The following SMOC2 variants were observed in gnomAD, a reference collection of about 807,000 sequenced individuals.
SMOC2 encodes the protein SPARC-related modular calcium-binding protein 2.
Under a neutral mutation model 61.4 loss-of-function variants are expected in SMOC2, and 39 were observed. The ratio of observed to expected loss-of-function variants is 0.64; its 90% CI spans 0.49 to 0.83. The LOEUF is 0.83. Among genes scored for constraint, SMOC2 ranks in the 40% least tolerant of loss-of-function variants. The pLI is 0.00. For missense variants in SMOC2, 556 were observed against 592.9 expected (o/e 0.94, Z 0.65); for synonymous variants, 247 against 239.9 (o/e 1.03, Z -0.27).
chr6:168,511,669 C>A (rs1783011508), intron 2 of SMOC2, among the ~76,000 whole-genome samples: 4 of 152,198 alleles, frequency 2.6e-5, no homozygotes, highest in African/African-American at 7.2e-5. Context: ...CCCTCTGGAG[C>A]CTTGGTCTTT....
chr6:168,480,976 C>G (rs1228658337), intron 1 of SMOC2, among the ~76,000 whole-genome samples: 1 of 152,088 alleles, frequency 6.6e-6, no homozygotes, highest in Non-Finnish European at 1.5e-5. Flanking sequence ...AACCCTATCT[C>G]CAGCAAAGCT....
At chr6:168,558,780 C>T (rs569863331) in intron 7 of SMOC2, among the ~76,000 whole-genome samples, 3 of 149,968 alleles carry the variant, frequency 2.0e-5, no homozygotes, top group South Asian at 2.1e-4. Context: ...TGTGCACATG[C>T]GTATGTGTGG....
At chr6:168,575,363 A>G (rs1346939679) in intron 7 of SMOC2, among the ~76,000 whole-genome samples, 3 of 152,114 alleles carry the variant, frequency 2.0e-5, no homozygotes, top group African/African-American at 7.2e-5. Context: ...ATAAGGATAA[A>G]TCTCTTACTC....
At chr6:168,605,742 A>G (rs1320340568) in intron 8 of SMOC2, among the ~76,000 whole-genome samples, 1 of 152,182 alleles carries the variant, frequency 6.6e-6, no homozygotes, top group Admixed American at 6.5e-5. Flanking sequence ...TGTGAAGGAT[A>G]CAGGTACTGA....
At chr6:168,650,107 C>G (rs371788639) in intron 9 of SMOC2, among the ~76,000 whole-genome samples, 1 of 152,164 alleles carries the variant, frequency 6.6e-6, no homozygotes, top group Non-Finnish European at 1.5e-5. Context: ...ATACACAGTC[C>G]GCGCTGGGCT....
intron 11 of SMOC2, among the ~76,000 whole-genome samples, chr6:168,653,491 C>G (rs189906789): frequency 6.6e-6 from 1 of 152,352 alleles, no homozygotes; most frequent in Admixed American, 6.5e-5. Context: ...CTGTTCAGAC[C>G]ACGGTTGGCT....
intron 7 of SMOC2, among the ~76,000 whole-genome samples, chr6:168,565,318 C>T (rs191700038): frequency 6.6e-6 from 1 of 152,292 alleles, no homozygotes; most frequent in Non-Finnish European, 1.5e-5. Flanking sequence ...AGTCCAGGCC[C>T]GAGGTGCTGG....
chr6:168,535,007 G>A lies in SMOC2; in HGVS notation c.463+7280G>A, dbSNP rs1299193796. Reference sequence around the variant, plus strand: ...TATTTTTGAGATGGAGTCTGGCTCTGTCGCCCAGGCTGGAGTGCAGTGGCA... The same window carrying A: ...TATTTTTGAGATGGAGTCTGGCTCTATCGCCCAGGCTGGAGTGCAGTGGCA... On this transcript the variant is annotated intron_variant, in intron 4 of 12. Transcript: ENST00000356284. The surrounding 1 kb of genome is among the most constrained non-coding windows in gnomAD (Gnocchi z 4.6). Among the ~76,000 whole-genome samples the A allele has an allele frequency of 6.6e-6, 1 of 151,964 alleles. No homozygotes were observed. Among genetic ancestry groups the A allele is most frequent in the Non-Finnish European group, 1.5e-5 (1 of 68,026 alleles).
At chr6:168,559,423 C>G (rs1193170417) in intron 7 of SMOC2, among the ~76,000 whole-genome samples, 2 of 151,492 alleles carry the variant, frequency 1.3e-5, no homozygotes, top group South Asian at 2.1e-4. Context: ...CCACTGCACT[C>G]TAGCCTGAGT....
chr6:168,588,631 T>C (rs1360583658), intron 7 of SMOC2, among the ~76,000 whole-genome samples: 1 of 152,218 alleles, frequency 6.6e-6, no homozygotes, highest in Non-Finnish European at 1.5e-5. Context: ...CATTACAGGA[T>C]TGAAGCGGAG....
chr6:168,468,547 T>G (rs1781896522), intron 1 of SMOC2, among the ~76,000 whole-genome samples: 1 of 152,220 alleles, frequency 6.6e-6, no homozygotes, highest in Non-Finnish European at 1.5e-5. Flanking sequence ...AGGTTTTTTG[T>G]TTTTTGAGAC....
At chr6:168,505,606 A>G (rs1335378918) in intron 1 of SMOC2, among the ~76,000 whole-genome samples, 1 of 152,204 alleles carries the variant, frequency 6.6e-6, no homozygotes, top group African/African-American at 2.4e-5. Context: ...TGACTGAATG[A>G]AATGTCCGTC....
intron 8 of SMOC2, 116 bp downstream of exon 8, chr6:168,599,120 TCACA>T (rs920468434): frequency 3.4e-5 from 11 of 326,780 alleles, no homozygotes; most frequent in Non-Finnish European, 5.2e-5. Flanking sequence ...ACACACACAC[TCACA>T]CTCACACACA....
chr6:168,613,173 C>T (rs1785933492), intron 9 of SMOC2, among the ~76,000 whole-genome samples: 1 of 152,204 alleles, frequency 6.6e-6, no homozygotes, highest in Non-Finnish European at 1.5e-5. Context: ...TGATCTCACT[C>T]TCAGGCACTG....
chr6:168,582,569 C>G (rs1317865169), intron 7 of SMOC2, among the ~76,000 whole-genome samples: 1 of 152,308 alleles, frequency 6.6e-6, no homozygotes, highest in African/African-American at 2.4e-5. Flanking sequence ...GGAAACCAGA[C>G]AGCTGGAGGC....
Position 168,653,200 on chromosome 6 carries a change from C to T in SMOC2, c.1257C>T (p.Asp419=), listed in dbSNP as rs151010390. The part of the protein sequence containing the change: ...LMGCLGVAKE[D]GKADTKKRHT... ...GCTGCCTGGGCGTGGCGAAAGAGGACGGCAAAGCGGACACCAAGAAACGCC... is the reference window on the plus strand; with the variant it reads ...GCTGCCTGGGCGTGGCGAAAGAGGATGGCAAAGCGGACACCAAGAAACGCC... The change falls in exon 11 of 13, where the codon GAC becomes GAT. Residue 419 remains aspartate, a synonymous_variant. Transcript: ENST00000356284. The T allele has an allele frequency of 1.1e-5, 18 of 1,613,468 alleles. No homozygotes were observed. Among genetic ancestry groups the T allele is most frequent in the South Asian group, 3.3e-5 (3 of 91,056 alleles).
intron 1 of SMOC2, among the ~76,000 whole-genome samples, chr6:168,505,356 G>A (rs548860874): frequency 6.6e-6 from 1 of 152,200 alleles, no homozygotes; most frequent in Non-Finnish European, 1.5e-5. Flanking sequence ...TCAGATGCCA[G>A]ATGAATGACT....
rs528179132 is a variant in SMOC2, at chr6:168,480,812, A to C, written c.85-29103A>C. On this transcript the variant is annotated intron_variant, in intron 1 of 12. Transcript: ENST00000356284. The stretch of plus-strand genomic sequence containing the variant: ...AATAGACAAAGAGAATTTTGAAAGC[A>C]GAAAGAGAGAAGTAGCTCTCACATA... Among the ~76,000 whole-genome samples, 19 of 152,340 alleles carry C rather than the reference A, an allele frequency of 1.2e-4. 1 individual carries two copies. The highest frequency in any genetic ancestry group is 4.6e-4 in the African/African-American group (19 of 41,582).
intron 5 of SMOC2, among the ~76,000 whole-genome samples, 158 bp downstream of exon 5, chr6:168,543,830 C>T (rs774559036): frequency 2.0e-5 from 3 of 152,220 alleles, no homozygotes; most frequent in Non-Finnish European, 2.9e-5. Flanking sequence ...CATTCACTCA[C>T]GATCACCAGC....
Sources: gnomAD v4.1 joint callset for allele counts (sites outside exome capture counted in the v4.1 genomes callset) on GRCh38, gnomAD v4.1.1 for gene constraint, Gnocchi (gnomAD v3.1) non-coding constraint, MANE v1.5 for transcripts, NCBI Gene and HGNC (gene_info 2026-07-23, HGNC 2026-07-21) for gene names.